Variants in ZNF644 observed in about 807,000 individuals in gnomAD.
ZNF644 encodes the protein zinc finger protein 644.
ZNF644 carries 20 observed loss-of-function variants against 108.0 expected under a neutral mutation model. The observed-to-expected ratio is 0.19, with a 90% CI of 0.13 to 0.27. ZNF644 has a LOEUF of 0.27. ZNF644 is among the 10% of genes least tolerant of loss of function. The pLI, the probability that ZNF644 is intolerant of heterozygous loss-of-function variation, is 1.00. For missense variants in ZNF644, 1,338 were observed against 1,548.9 expected, an observed-to-expected ratio of 0.86 and a Z score of 2.29; for synonymous variants, 542 against 539.1, an observed-to-expected ratio of 1.01 and a Z score of -0.08.
intron 2 of ZNF644, among the ~76,000 whole-genome samples, chr1:90,965,616 A>G (rs1654781967): frequency 6.6e-6 from 1 of 152,310 alleles, no homozygotes; most frequent in African/African-American, 2.4e-5. Context: ...AATAGTTCCT[A>G]AAAGTTGTAA....
intron 1 of ZNF644, among the ~76,000 whole-genome samples, chr1:90,994,762 A>G (rs951388702): frequency 6.6e-6 from 1 of 152,208 alleles, no homozygotes; most frequent in East Asian, 1.9e-4. Context: ...CCGAGAAGCA[A>G]GAAAACCACA....
intron 2 of ZNF644, among the ~76,000 whole-genome samples, chr1:90,954,205 A>G (rs896083294): frequency 2.6e-5 from 4 of 152,194 alleles, no homozygotes; most frequent in Non-Finnish European, 5.9e-5. Context: ...TTCTTTTGAT[A>G]TTGGAGTCAA....
At chr1:90,930,154 C>T (rs367570145) in intron 4 of ZNF644, among the ~76,000 whole-genome samples, 59 of 152,202 alleles carry the variant, frequency 3.9e-4, no homozygotes, top group African/African-American at 1.2e-3. Flanking sequence ...GGCGTGATGG[C>T]GTGTGCCTGT....
chr1:90,989,334 A>G (rs2101573806), intron 1 of ZNF644, among the ~76,000 whole-genome samples: 1 of 152,274 alleles, frequency 6.6e-6, no homozygotes. Flanking sequence ...GGATCGCTTG[A>G]GCTCAGGAGT....
intron 2 of ZNF644, 61 bp from the exon 3 acceptor site, chr1:90,941,370 TGG>T (rs1467685967): frequency 7.0e-7 from 1 of 1,435,170 alleles, no homozygotes; most frequent in Non-Finnish European, 9.5e-7. Context: ...TTAGAATGTA[TGG>T]AGAGTTGAAA....
At chr1:90,928,502 T>C (rs933496942) in intron 4 of ZNF644, among the ~76,000 whole-genome samples, 24 of 151,474 alleles carry the variant, frequency 1.6e-4, no homozygotes, top group African/African-American at 5.8e-4. Context: ...TATTTTTTTT[T>C]AGTAGAGGCA....
chr1:91,020,554 T>C (rs115416317), intron 1 of ZNF644: 89 of 152,370 alleles, frequency 5.8e-4, no homozygotes, highest in African/African-American at 2.0e-3. Context: ...AGCTAGATTA[T>C]AGCCTTATTA....
rs376993892 is a variant in ZNF644 at position 90,954,242 on chromosome 1, C to T, written c.45-12933G>A. ...CTTCTCAAACCCTGCTACTGCTTTACTGACGTAATATTCTAAATCCTATGT... is the reference window on the plus strand; with the variant it reads ...CTTCTCAAACCCTGCTACTGCTTTATTGACGTAATATTCTAAATCCTATGT... On this transcript the variant is annotated intron_variant, in intron 2 of 5. Transcript: ENST00000337393. 7.9e-5 allele frequency among the ~76,000 whole-genome samples: 12 copies of T among 152,332 alleles called. No homozygotes were observed. The East Asian group carries it at 2.1e-3, about 27-fold the overall frequency.
intron 1 of ZNF644, among the ~76,000 whole-genome samples, chr1:91,014,874 C>G (rs1335065131): frequency 1.3e-5 from 2 of 152,110 alleles, no homozygotes; most frequent in Non-Finnish European, 2.9e-5. Flanking sequence ...ACAGAAAGGT[C>G]TCCTCTCTAG....
chr1:90,977,143 CAAAGT>C (rs1342969346), intron 2 of ZNF644, among the ~76,000 whole-genome samples: 2 of 151,742 alleles, frequency 1.3e-5, no homozygotes, highest in African/African-American at 4.8e-5. Flanking sequence ...CACAAAGAAG[CAAAGT>C]ATTCTAATGA....
In ZNF644 at chr1:90,938,926, T is replaced by C. The variant is rs770936511; in HGVS notation, c.2428A>G (p.Arg810Gly). The C allele has an allele frequency of 5.0e-6, 8 of 1,613,928 alleles. No homozygotes were observed. The highest frequency in any genetic ancestry group is 4.2e-6 in the Non-Finnish European group (5 of 1,179,956). ...TCCTTCTTAGATTCCTTAATTACTC[T>C]CTTTACAGCTACACGTCTGTGATCT... The part of the protein sequence containing the change: ...FKDHRRVAVK[R>G]VIKESKKESS... The change falls in exon 3 of 6, where the codon AGA becomes GGA. Residue 810 changes from arginine to glycine, a missense_variant. By Grantham distance (125) the Arg-to-Gly change is moderately radical (BLOSUM62 -2). Around this residue, in one of 6 missense-constraint regions of ZNF644, gnomAD observed 462 missense variants for 472.6 expected, o/e 0.98. Coordinates refer to ENST00000337393, the MANE Select transcript of ZNF644 (RefSeq NM_201269.3). This position sits in a 1 kb window ranked among gnomAD's most constrained non-coding sequence, Gnocchi z 4.2.
At chr1:91,014,586 A>G (rs577011726) in intron 1 of ZNF644, among the ~76,000 whole-genome samples, 46 of 152,304 alleles carry the variant, frequency 3.0e-4, no homozygotes, top group African/African-American at 1.1e-3. Context: ...CCCATAAAGT[A>G]TTAGTTCTGA....
At chr1:90,931,967 T>G (rs1650779773) in intron 4 of ZNF644, among the ~76,000 whole-genome samples, 1 of 152,114 alleles carries the variant, frequency 6.6e-6, no homozygotes, top group Non-Finnish European at 1.5e-5. Flanking sequence ...CAAAAATTTT[T>G]ATCTGAGAAC....
chr1:90,975,302 T>C (rs924751117), intron 2 of ZNF644, among the ~76,000 whole-genome samples: 2 of 152,216 alleles, frequency 1.3e-5, no homozygotes, highest in Non-Finnish European at 2.9e-5. Context: ...ACTAGTAAAG[T>C]GTGATCTAAA....
intron 1 of ZNF644, among the ~76,000 whole-genome samples, chr1:90,998,125 G>A (rs1010627385): frequency 4.6e-5 from 7 of 152,186 alleles, no homozygotes; most frequent in African/African-American, 1.7e-4. Flanking sequence ...TTGGGGCAGG[G>A]CACAGCCGAA....
intron 2 of ZNF644, among the ~76,000 whole-genome samples, chr1:90,960,295 T>G (rs1010274248): frequency 5.9e-5 from 9 of 152,110 alleles, no homozygotes; most frequent in African/African-American, 2.2e-4. Flanking sequence ...AAAAAGAAAT[T>G]TGTGCAAGTT....
chr1:90,941,386 C>G, intron 2 of ZNF644, 77 bp from the exon 3 acceptor site: 1 of 1,312,266 alleles, frequency 7.6e-7, no homozygotes, highest in Non-Finnish European at 1.0e-6. Context: ...GTTGAAAGTA[C>G]ATATTTTTAT....
chr1:90,996,827 G>T (rs1474491711), intron 1 of ZNF644, among the ~76,000 whole-genome samples: 1 of 152,124 alleles, frequency 6.6e-6, no homozygotes, highest in African/African-American at 2.4e-5. Flanking sequence ...CACTAGGAAA[G>T]ACAGAAGAGG....
chr1:90,928,886 G>GAA (rs1226017362), intron 4 of ZNF644, among the ~76,000 whole-genome samples: 1 of 151,974 alleles, frequency 6.6e-6, no homozygotes, highest in African/African-American at 2.4e-5. Flanking sequence ...TTCAGGGTCT[G>GAA]GCTGAAACCA....
Sources: allele counts gnomAD v4.1 joint callset (sites outside exome capture counted in the v4.1 genomes callset), GRCh38; gene constraint gnomAD v4.1.1; regional missense constraint gnomAD v4.1.1; non-coding constraint Gnocchi (gnomAD v3.1); transcripts MANE v1.5; gene names NCBI Gene and HGNC (gene_info 2026-07-23, HGNC 2026-07-21).